The following RARB variants were observed in gnomAD, a reference collection of about 807,000 sequenced individuals.
The protein encoded by RARB is retinoic acid receptor beta.
A neutral mutation model predicts 51.9 loss-of-function variants in RARB; 17 were observed. The ratio of observed to expected loss-of-function variants is 0.33; its 90% CI spans 0.22 to 0.49. The LOEUF is 0.49. Ranked by LOEUF, RARB falls within the 20% of genes least tolerant of loss-of-function variation. The probability of loss-of-function intolerance (pLI) is 0.99; values close to 1 mark genes in which losing one functional copy is unlikely to be tolerated. For synonymous variants in RARB, 215 were observed against 195.4 expected (o/e 1.10, Z -0.84); for missense variants, 369 against 550.8 (o/e 0.67, Z 3.30).
At chr3:24,951,205 C>T (rs1292296841) in intron 2 of RARB, among the ~76,000 whole-genome samples, 2 of 152,122 alleles carry the variant, frequency 1.3e-5, no homozygotes, top group Non-Finnish European at 2.9e-5. Flanking sequence ...CAACCAGGCT[C>T]CAAGTCATGG....
chr3:24,973,411 A>T (rs942070554), intron 2 of RARB, among the ~76,000 whole-genome samples: 1 of 151,988 alleles, frequency 6.6e-6, no homozygotes, highest in African/African-American at 2.4e-5. Context: ...AATGCCCCCA[A>T]CTTACTTCTT....
intron 2 of RARB, among the ~76,000 whole-genome samples, chr3:25,054,923 T>C (rs1171039531): frequency 6.6e-6 from 1 of 152,180 alleles, no homozygotes; most frequent in Non-Finnish European, 1.5e-5. Context: ...GAGTCATTTA[T>C]TGAGAGACAA....
intron 2 of RARB, among the ~76,000 whole-genome samples, chr3:24,902,896 AC>A (rs1703637999): frequency 6.6e-6 from 1 of 152,316 alleles, no homozygotes; most frequent in East Asian, 1.9e-4. Context: ...AATATAAAGT[AC>A]ATAGTAAGAT....
At position 25,303,962 on chromosome 3, in the gene RARB, C is replaced by T. The variant is rs983003505; in HGVS notation, c.178+129387C>T. On this transcript the variant is annotated intron_variant, in intron 5 of 11. Transcript: ENST00000383772. ...ATATACTCCTGAGGCTTGGTGATGC[C>T]TGCTATGAAAAAGAACACTGAACGG... Among the ~76,000 whole-genome samples the T allele has an allele frequency of 1.8e-4, 27 of 152,190 alleles. No homozygotes were observed. In the South Asian group the frequency reaches 5.0e-3, roughly 28 times the overall value.
In RARB at chr3:25,161,058, G is replaced by A. The variant is rs550487543; in HGVS notation, c.-279-13061G>A. On this transcript the variant is annotated intron_variant, in intron 4 of 11. Coordinates refer to the RARB transcript ENST00000383772. ...GATGGAGTCTTGCTCCGTCGCCCAG[G>A]CTAGAGTGCAGTGGCCCAATCTCGG... Among the ~76,000 whole-genome samples, 256 of 152,108 alleles carry A rather than the reference G, an allele frequency of 1.7e-3. 1 individual carries two copies. The highest frequency in any genetic ancestry group is 5.8e-3 in the African/African-American group (239 of 41,506).
At chr3:25,526,676 C>A (rs1698665082) in intron 3 of RARB, among the ~76,000 whole-genome samples, 2 of 152,030 alleles carry the variant, frequency 1.3e-5, no homozygotes, top group Admixed American at 1.3e-4. Flanking sequence ...GGATGGATGG[C>A]TGGATGGATG....
At chr3:25,164,604 A>G (rs896271885) in intron 4 of RARB, among the ~76,000 whole-genome samples, 2 of 152,208 alleles carry the variant, frequency 1.3e-5, no homozygotes, top group African/African-American at 2.4e-5. Context: ...TCTAGAATAG[A>G]TATACCCCTT....
At chr3:24,979,367 A>G (rs568712428) in intron 2 of RARB, among the ~76,000 whole-genome samples, 15 of 152,192 alleles carry the variant, frequency 9.9e-5, no homozygotes, top group Admixed American at 5.9e-4. Flanking sequence ...ATTGTGTGGG[A>G]GTCTAAGTCT....
chr3:25,498,227 G>C (rs1185079337), intron 2 of RARB, among the ~76,000 whole-genome samples: 1 of 152,104 alleles, frequency 6.6e-6, no homozygotes, highest in African/African-American at 2.4e-5. Context: ...TGAAATATTA[G>C]CTAAGTAAAC....
At chr3:24,951,706 T>C (rs959574609) in intron 2 of RARB, among the ~76,000 whole-genome samples, 3 of 152,170 alleles carry the variant, frequency 2.0e-5, no homozygotes, top group South Asian at 2.1e-4. Context: ...ATTTAGTTGA[T>C]AGGAAACCAA....
At chr3:25,220,904 T>C (rs2125384387) in intron 5 of RARB, among the ~76,000 whole-genome samples, 1 of 152,206 alleles carries the variant, frequency 6.6e-6, no homozygotes. Flanking sequence ...TCTAATGGGG[T>C]CACTGATGCA....
chr3:25,519,958 C>T (rs962996548), intron 3 of RARB, among the ~76,000 whole-genome samples: 6 of 152,172 alleles, frequency 3.9e-5, no homozygotes, highest in Non-Finnish European at 7.3e-5. Context: ...AAGATAACAT[C>T]CATATTCACC....
chr3:25,170,234 T>G (rs1456828728), intron 4 of RARB, among the ~76,000 whole-genome samples: 1 of 152,186 alleles, frequency 6.6e-6, no homozygotes, highest in Non-Finnish European at 1.5e-5. Context: ...CCAAATTAGT[T>G]GCTACAACAA....
At chr3:25,091,569 C>A (rs571339857) in intron 3 of RARB, among the ~76,000 whole-genome samples, 1 of 152,070 alleles carries the variant, frequency 6.6e-6, no homozygotes, top group Non-Finnish European at 1.5e-5. Flanking sequence ...AATTAGGTTT[C>A]GGTTTGTTTA....
Position 25,112,551 on chromosome 3 carries a change from A to T in RARB, c.-327-19610A>T, listed in dbSNP as rs189583740. 9.9e-4 allele frequency among the ~76,000 whole-genome samples: 151 copies of T among 152,214 alleles called. 1 individual carries two copies. The East Asian group carries it at 0.017, about 18-fold the overall frequency. ...CAGCACTTTGGGAAACTGAGGTGGG[A>T]AGATCATTTGAGCCCAGGAGTTTGA... is the stretch of plus-strand genomic sequence containing the variant. On this transcript the variant is annotated intron_variant, in intron 3 of 11. Coordinates refer to the RARB transcript ENST00000383772.
intron 4 of RARB, among the ~76,000 whole-genome samples, chr3:25,165,333 C>T (rs2125348634): frequency 6.6e-6 from 1 of 152,246 alleles, no homozygotes; most frequent in East Asian, 1.9e-4. Context: ...TTTCTGTATA[C>T]ATTTCCATTT....
At chr3:24,919,782 T>A (rs978690994) in intron 2 of RARB, among the ~76,000 whole-genome samples, 1 of 152,236 alleles carries the variant, frequency 6.6e-6, no homozygotes, top group Non-Finnish European at 1.5e-5. Flanking sequence ...TGCCTTTAAT[T>A]TCTTCTCATC....
At chr3:25,211,335 T>C (rs571160538) in intron 5 of RARB, among the ~76,000 whole-genome samples, 3 of 152,316 alleles carry the variant, frequency 2.0e-5, no homozygotes, top group South Asian at 2.1e-4. Context: ...ATGATTAGTA[T>C]AGATTTGAGC....
At chr3:25,465,218 A>T (rs1308263376) in intron 2 of RARB, among the ~76,000 whole-genome samples, 1 of 152,184 alleles carries the variant, frequency 6.6e-6, no homozygotes, top group Non-Finnish European at 1.5e-5. Flanking sequence ...CTCCCTTGTG[A>T]TATAATAAGG....
Sources: allele counts gnomAD v4.1 joint callset (sites outside exome capture counted in the v4.1 genomes callset), GRCh38; gene constraint gnomAD v4.1.1; transcripts MANE v1.5; gene names NCBI Gene and HGNC (gene_info 2026-07-23, HGNC 2026-07-21).